The following MSH3 variants were observed in gnomAD, a reference collection of about 807,000 sequenced individuals.
The protein encoded by MSH3 is mutS homolog 3, also known as DNA mismatch repair protein Msh3.
Under a neutral mutation model 123.3 loss-of-function variants are expected in MSH3, and 106 were observed. The observed-to-expected ratio is 0.86, with a 90% CI of 0.73 to 1.01. The LOEUF (loss-of-function observed/expected upper bound fraction) is 1.01, where lower values mean the gene tolerates loss of function less well. Among genes scored for constraint, MSH3 ranks in the 50% least tolerant of loss-of-function variants. MSH3 has a pLI of 0.00. For missense variants in MSH3, 1,459 were observed against 1,347.6 expected, an observed-to-expected ratio of 1.08 and a Z score of -1.29; for synonymous variants, 515 against 481.4, an observed-to-expected ratio of 1.07 and a Z score of -0.91.
chr5:80,854,111 G>T lies in MSH3; in HGVS notation c.2814-19G>T, dbSNP rs752346177. 2 of 1,602,734 alleles carry T rather than the reference G, an allele frequency of 1.2e-6. No homozygotes were observed. The highest frequency in any genetic ancestry group is 2.2e-5 in the South Asian group (2 of 90,682). On this transcript the variant is annotated intron_variant, in intron 20 of 23. Transcript: ENST00000265081. The stretch of plus-strand genomic sequence containing the variant: ...AGAAAGTGAAGAGGAAAATCAAGGT[G>T]TTTTCATCTTGCTTGTAGGATGGGT...
At chr5:80,867,822 AC>A (rs533546132) in intron 22 of MSH3, among the ~76,000 whole-genome samples, 407 of 152,084 alleles carry the variant, frequency 2.7e-3, no homozygotes, top group African/African-American at 9.4e-3. Context: ...TGGATATTAG[AC>A]CTTTGTCAGA....
In MSH3 at chr5:80,670,207, G is replaced by A. The variant is rs751177946; in HGVS notation, c.690G>A (p.Thr230=). Residue 230 remains threonine (T), a synonymous_variant, in exon 4 of 24, where the codon ACG becomes ACA. Coordinates refer to ENST00000265081, the MANE Select transcript of MSH3 (RefSeq NM_002439.5). ...ACAAACGGTCCAAAAGCATCTATAC[G>A]CCGCTAGAATTACAATACATAGAAA... ...SANKRSKSIY[T]PLELQYIEMK... 1.1e-5 allele frequency: 17 copies of A among 1,613,960 alleles called. No homozygotes were observed. The Admixed American group carries it at 1.8e-4, about 17-fold the overall frequency.
intron 15 of MSH3, among the ~76,000 whole-genome samples, chr5:80,772,524 G>C (rs1744230202): frequency 6.6e-6 from 1 of 151,978 alleles, no homozygotes. Context: ...TTGGGTCCCA[G>C]GAGAAGAATA....
chr5:80,805,827 T>G (rs1293619956), intron 19 of MSH3, among the ~76,000 whole-genome samples: 1 of 152,044 alleles, frequency 6.6e-6, no homozygotes, highest in African/African-American at 2.4e-5. Flanking sequence ...CCTCAAGTAA[T>G]CTGCCCACCT....
chr5:80,872,099 A>C (rs764236534), intron 22 of MSH3, among the ~76,000 whole-genome samples: 1 of 152,206 alleles, frequency 6.6e-6, no homozygotes, highest in African/African-American at 2.4e-5. Flanking sequence ...GTTAACCTGA[A>C]TATTTAATAA....
intron 17 of MSH3, 28 bp downstream of exon 17, chr5:80,778,864 T>A (rs1744357036): frequency 7.8e-7 from 1 of 1,279,864 alleles, no homozygotes; most frequent in African/African-American, 1.5e-5. Flanking sequence ...AAATATAATC[T>A]GACTTTTTGC....
At chr5:80,662,481 T>C (rs1252255176) in intron 2 of MSH3, among the ~76,000 whole-genome samples, 1 of 152,160 alleles carries the variant, frequency 6.6e-6, no homozygotes, top group South Asian at 2.1e-4. Flanking sequence ...TTTAACACTT[T>C]GGTTTTAAAT....
intron 22 of MSH3, among the ~76,000 whole-genome samples, chr5:80,866,660 T>C (rs977146473): frequency 6.6e-6 from 1 of 152,224 alleles, no homozygotes; most frequent in Non-Finnish European, 1.5e-5. Context: ...TCTCATTGTG[T>C]TAATTGAGAA....
intron 20 of MSH3, among the ~76,000 whole-genome samples, chr5:80,846,424 G>A (rs546190344): frequency 7.9e-5 from 12 of 152,174 alleles, no homozygotes; most frequent in Admixed American, 3.3e-4. Context: ...TGAGAGAACC[G>A]CTGCTGTCTT....
intron 20 of MSH3, among the ~76,000 whole-genome samples, chr5:80,827,249 A>C (rs979280561): frequency 1.3e-5 from 2 of 152,228 alleles, no homozygotes; most frequent in Non-Finnish European, 2.9e-5. Flanking sequence ...CGTTGATGAA[A>C]AGAGATATTT....
At chr5:80,815,737 C>G (rs535960694) in intron 20 of MSH3, among the ~76,000 whole-genome samples, 12 of 152,216 alleles carry the variant, frequency 7.9e-5, no homozygotes, top group African/African-American at 1.9e-4. Flanking sequence ...AGAAAACTTA[C>G]CTTTCACTGA....
chr5:80,811,323 CTG>C (rs1215548980), intron 19 of MSH3, among the ~76,000 whole-genome samples: 10 of 152,058 alleles, frequency 6.6e-5, no homozygotes, highest in African/African-American at 1.9e-4. Context: ...AATACTTTCT[CTG>C]TGTTATTGGA....
intron 8 of MSH3, among the ~76,000 whole-genome samples, chr5:80,702,239 C>T (rs1037723594): frequency 6.6e-6 from 1 of 152,192 alleles, no homozygotes. Context: ...ATACCTTCAG[C>T]TCTGTCCAGT....
rs1382454459 is a variant in MSH3, at chr5:80,761,827, T to A, written c.1896+149T>A. On this transcript the variant is annotated intron_variant, in intron 13 of 23. Coordinates refer to ENST00000265081, the MANE Select transcript of MSH3 (RefSeq NM_002439.5). ...CGAGAGTAGCTGAATCCTCAGAAAT[T>A]TTAATAGTACAAATTAGAGTTATTC... 3.3e-6 allele frequency: 3 copies of A among 911,694 alleles called. No individual in the cohort carries two copies. In the African/African-American group the frequency reaches 5.1e-5, roughly 15 times the overall value. 56.5% of individuals were successfully genotyped at this position (911,694 alleles called of 1,614,324 possible).
chr5:80,729,404 A>T (rs1580589778), intron 10 of MSH3, among the ~76,000 whole-genome samples: 1 of 112,354 alleles, frequency 8.9e-6, no homozygotes, highest in Non-Finnish European at 1.8e-5. Flanking sequence ...CGACAGCGAG[A>T]CTCCGTCCCA....
At chr5:80,674,867 A>G in intron 6 of MSH3, 116 bp from the exon 7 acceptor site, 1 of 929,834 alleles carries the variant, frequency 1.1e-6, no homozygotes, top group Non-Finnish European at 1.7e-6. Flanking sequence ...GGTGTGAGCC[A>G]CTGCGCCTGG....
At chr5:80,714,608 T>A (rs1266107311) in intron 8 of MSH3, among the ~76,000 whole-genome samples, 1 of 152,216 alleles carries the variant, frequency 6.6e-6, no homozygotes, top group African/African-American at 2.4e-5. Context: ...TTAACATTCT[T>A]GTAAAGCTTC....
chr5:80,737,958 T>C (rs1381280204), intron 10 of MSH3, among the ~76,000 whole-genome samples: 1 of 152,152 alleles, frequency 6.6e-6, no homozygotes, highest in Non-Finnish European at 1.5e-5. Context: ...TTTAGATTAC[T>C]TGTTTAGTAA....
chr5:80,851,257 A>G (rs897624007), intron 20 of MSH3, among the ~76,000 whole-genome samples: 2 of 152,186 alleles, frequency 1.3e-5, no homozygotes, highest in Admixed American at 1.3e-4. Flanking sequence ...GATTTCTAAT[A>G]GACATTGCTA....
Sources: allele counts gnomAD v4.1 joint callset (sites outside exome capture counted in the v4.1 genomes callset), GRCh38; gene constraint gnomAD v4.1.1; transcripts MANE v1.5; gene names NCBI Gene and HGNC (gene_info 2026-07-23, HGNC 2026-07-21).